Variants in MRPS11 observed in about 807,000 individuals in gnomAD.
MRPS11 encodes mitochondrial ribosomal protein S11.
A neutral mutation model predicts 24.3 loss-of-function variants in MRPS11; 27 were observed. That is an observed-to-expected ratio of 1.11 (90% CI 0.82 to 1.53). The LOEUF is 1.53. MRPS11 is among the 40% of genes most tolerant of loss of function. MRPS11 has a pLI of 0.00. For missense variants in MRPS11, 277 were observed against 256.5 expected, an observed-to-expected ratio of 1.08 and a Z score of -0.55; for synonymous variants, 104 against 98.7, an observed-to-expected ratio of 1.05 and a Z score of -0.32.
intron 2 of MRPS11, 71 bp downstream of exon 2, chr15:88,468,095 A>T: frequency 6.6e-7 from 1 of 1,523,818 alleles, no homozygotes; most frequent in Non-Finnish European, 8.9e-7. Context: ...CTCCAGAGTC[A>T]GAACCAGTGA....
chr15:88,467,840 G>T, intron 1 of MRPS11, 58 bp downstream of exon 1: 1 of 1,612,954 alleles, frequency 6.2e-7, no homozygotes, highest in Admixed American at 1.7e-5. Context: ...GCTCCTACTC[G>T]TGTCCCTTGA....
intron 3 of MRPS11, among the ~76,000 whole-genome samples, chr15:88,473,127 C>G (rs529619709): frequency 2.0e-4 from 30 of 152,324 alleles, no homozygotes; most frequent in Non-Finnish European, 2.5e-4. Flanking sequence ...TATTAATACA[C>G]TAACCAGAAT....
Position 88,479,008 on chromosome 15 carries a change from A to T in MRPS11, c.*1029A>T, listed in dbSNP as rs1185019545. 2.6e-5 allele frequency: 4 copies of T among 151,664 alleles called. No individual in the cohort carries two copies. Among genetic ancestry groups the T allele is most frequent in the Admixed American group, 6.6e-5 (1 of 15,242 alleles). 9.4% of individuals were successfully genotyped at this position (151,664 alleles called of 1,614,324 possible). A position where few individuals can be genotyped will look rare whatever the true frequency, so the allele number is the denominator to read the frequency against. Reference sequence around the variant, plus strand: ...TCAAAAAAATAAATAAATATAAATAAAAATTTAAAAAAATTAAAAAAAAAA... The same window carrying T: ...TCAAAAAAATAAATAAATATAAATATAAATTTAAAAAAATTAAAAAAAAAA... On this transcript the variant is annotated 3_prime_UTR_variant, in exon 6 of 6. Transcript: ENST00000325844.
Position 88,476,848 on chromosome 15 carries a change from C to T in MRPS11, c.412-141C>T. Reference sequence around the variant, plus strand: ...GCTGGCGCCTGTCCTCCACTATAGCCATCTGCCCTTTGCCTCCCTGTTTAC... The same window carrying T: ...GCTGGCGCCTGTCCTCCACTATAGCTATCTGCCCTTTGCCTCCCTGTTTAC... On this transcript the variant is annotated intron_variant, in intron 4 of 5. Transcript: ENST00000325844. 4 of 739,440 alleles carry T rather than the reference C, an allele frequency of 5.4e-6. No homozygotes were observed. The South Asian group carries it at 6.8e-5, about 13-fold the overall frequency. The allele number at this position is 739,440 out of a possible 1,614,324, so 45.8% of individuals were successfully genotyped here.
chr15:88,468,352 A>G (rs1178353990), intron 2 of MRPS11: 6 of 1,132,222 alleles, frequency 5.3e-6, no homozygotes, highest in Non-Finnish European at 2.2e-6. Flanking sequence ...CCCTGCCTCC[A>G]AAACAAAATG....
At position 88,477,231 on chromosome 15, in the gene MRPS11, C is replaced by G. The variant is rs144213173; in HGVS notation, c.477+177C>G. On this transcript the variant is annotated intron_variant, in intron 5 of 5. Coordinates refer to ENST00000325844, the MANE Select transcript of MRPS11 (RefSeq NM_022839.5). The surrounding 1 kb of genome is among the most constrained non-coding windows in gnomAD (Gnocchi z 5.7). ...AGCCCCTCAGAGCAAGCCTAGATCACTTAGTATAATTCATCAGACACTGAG... is the reference window on the plus strand; with the variant it reads ...AGCCCCTCAGAGCAAGCCTAGATCAGTTAGTATAATTCATCAGACACTGAG... Among the ~76,000 whole-genome samples, 1 of 152,312 alleles carries G rather than the reference C, an allele frequency of 6.6e-6. No individual in the cohort carries two copies. Among genetic ancestry groups the G allele is most frequent in the African/African-American group, 2.4e-5 (1 of 41,574 alleles).
chr15:88,474,289 G>T (rs1302758794), intron 3 of MRPS11, among the ~76,000 whole-genome samples: 1 of 152,234 alleles, frequency 6.6e-6, no homozygotes, highest in Admixed American at 6.5e-5. Flanking sequence ...GCCGGGCGAG[G>T]TGGCTCATGC....
chr15:88,474,952 TC>T, intron 3 of MRPS11, 157 bp from the exon 4 acceptor site: 1 of 801,888 alleles, frequency 1.2e-6, no homozygotes, highest in South Asian at 1.9e-5. Context: ...TCCTGATACT[TC>T]CTGTAGGAGT....
At position 88,479,564 on chromosome 15, in the gene MRPS11, CT is replaced by C. The variant is rs2055891292; in HGVS notation, c.*1586del. The C allele has an allele frequency of 6.6e-6, 1 of 152,232 alleles. No individual in the cohort carries two copies. Among genetic ancestry groups the C allele is most frequent in the African/African-American group, 2.4e-5 (1 of 41,460 alleles). 9.4% of individuals were successfully genotyped at this position (152,232 alleles called of 1,614,324 possible). On this transcript the variant is annotated 3_prime_UTR_variant, in exon 6 of 6. Coordinates refer to ENST00000325844, the MANE Select transcript of MRPS11 (RefSeq NM_022839.5). ...AGGAAAAATGCCTCCCTACTGCCTT[CT>C]CTTTAGTCCTTAGCAGGTCCTATGA...
Position 88,479,756 on chromosome 15 carries a change from G to A in MRPS11, c.*1777G>A, listed in dbSNP as rs2055895528. On this transcript the variant is annotated 3_prime_UTR_variant, in exon 6 of 6. Transcript: ENST00000325844. ...ACTTCGCGATTTGATATGGTTTGGT[G>A]GACAGAGGGCCCGTAGCCATCAGAC... 6.6e-6 allele frequency: 1 copy of A among 152,254 alleles called. No homozygotes were observed. Among genetic ancestry groups the A allele is most frequent in the Admixed American group, 6.5e-5 (1 of 15,282 alleles). 9.4% of individuals were successfully genotyped at this position (152,254 alleles called of 1,614,324 possible). A position where few individuals can be genotyped will look rare whatever the true frequency, so the allele number is the denominator to read the frequency against.
intron 3 of MRPS11, among the ~76,000 whole-genome samples, chr15:88,474,282 G>A (rs190847167): frequency 1.3e-5 from 2 of 152,184 alleles, no homozygotes; most frequent in East Asian, 1.9e-4. Flanking sequence ...ATATGAGGCC[G>A]GGCGAGGTGG....
At chr15:88,472,370 G>A (rs564166116) in intron 2 of MRPS11, 93 of 392,232 alleles carry the variant, frequency 2.4e-4, no homozygotes, top group African/African-American at 1.6e-3. Context: ...AGGAAGATGG[G>A]GAGTATGCAT....
rs576326266 is a variant in MRPS11, at chr15:88,474,193, G to T, written c.282-917G>T. On this transcript the variant is annotated intron_variant, in intron 3 of 5. Transcript: ENST00000325844. ...CCCTGTCTCACAAAAAAATAAAAAA[G>T]AAAAAAAGAGAAAAGTTTTACTTGT... 6.9e-4 allele frequency among the ~76,000 whole-genome samples: 103 copies of T among 149,230 alleles called. 1 individual carries two copies. The highest frequency in any genetic ancestry group is 2.6e-3 in the African/African-American group (99 of 38,674).
rs1598298458 is a variant in MRPS11, at chr15:88,479,063, A to C, written c.*1084A>C. On this transcript the variant is annotated 3_prime_UTR_variant, in exon 6 of 6. Transcript: ENST00000325844. ...GATGATTCTCTAGAAAATAGGGTGGATGGCAGGATGGGCTTGAGTAGAGTC... is the reference window on the plus strand; with the variant it reads ...GATGATTCTCTAGAAAATAGGGTGGCTGGCAGGATGGGCTTGAGTAGAGTC... The C allele has an allele frequency of 6.6e-6, 1 of 152,238 alleles. No individual in the cohort carries two copies. The highest frequency in any genetic ancestry group is 2.1e-4 in the South Asian group (1 of 4,826). The allele number at this position is 152,238 out of a possible 1,614,324, so 9.4% of individuals were successfully genotyped here. A position where few individuals can be genotyped will look rare whatever the true frequency, so the allele number is the denominator to read the frequency against.
intron 2 of MRPS11, chr15:88,472,390 T>G: frequency 2.4e-6 from 1 of 424,336 alleles, no homozygotes; most frequent in East Asian, 4.5e-5. Context: ...TGAAAATCCC[T>G]TCTCATAGCG....
At position 88,472,626 on chromosome 15, in the gene MRPS11, G is replaced by T. The variant is rs1417976205; in HGVS notation, c.183-1G>T. ...AAATAAAATCTTTCTTCTAATTGCA[G>T]CATTTACCCTCCCATTCCAGGAGAG... On this transcript the variant is annotated splice_acceptor_variant, in intron 2 of 5. Transcript: ENST00000325844. LOFTEE classifies it high-confidence loss of function. 6.2e-7 allele frequency: 1 copy of T among 1,611,538 alleles called. No homozygotes were observed.
At chr15:88,470,476 C>T (rs1405543277) in intron 2 of MRPS11, among the ~76,000 whole-genome samples, 2 of 152,078 alleles carry the variant, frequency 1.3e-5, no homozygotes, top group African/African-American at 4.8e-5. Flanking sequence ...GGACTGAACC[C>T]TGGGGCGCTT....
chr15:88,473,813 A>T (rs975816176), intron 3 of MRPS11, among the ~76,000 whole-genome samples: 8 of 152,228 alleles, frequency 5.3e-5, no homozygotes, highest in Admixed American at 1.3e-4. Flanking sequence ...GATGATGATG[A>T]CTAAAGGGGA....
In MRPS11 at chr15:88,475,365, C is replaced by A. The variant is rs1169430987; in HGVS notation, c.411+126C>A. 15 of 1,349,052 alleles carry A rather than the reference C, an allele frequency of 1.1e-5. No homozygotes were observed. Among genetic ancestry groups the A allele is most frequent in the South Asian group, 2.8e-5 (2 of 72,238 alleles). 83.6% of individuals were successfully genotyped at this position (1,349,052 alleles called of 1,614,324 possible). On this transcript the variant is annotated intron_variant, in intron 4 of 5. Transcript: ENST00000325844. This position sits in a 1 kb window ranked among gnomAD's most constrained non-coding sequence, Gnocchi z 4.1. The stretch of plus-strand genomic sequence containing the variant: ...AGGGTTTGTCATGGCAGCTTTGATG[C>A]CCTGATTGGAGCATTGGTTTGAAAA...
Sources: allele counts gnomAD v4.1 joint callset (sites outside exome capture counted in the v4.1 genomes callset), GRCh38; gene constraint gnomAD v4.1.1; non-coding constraint Gnocchi (gnomAD v3.1); transcripts MANE v1.5; gene names NCBI Gene and HGNC (gene_info 2026-07-23, HGNC 2026-07-21).